The following AGMO variants were observed in gnomAD, a reference collection of about 807,000 sequenced individuals.
The protein encoded by AGMO is alkylglycerol monooxygenase.
Under a neutral mutation model 60.2 loss-of-function variants are expected in AGMO, and 75 were observed. That is an observed-to-expected ratio of 1.25 (90% CI 1.03 to 1.51). AGMO has a LOEUF of 1.51. Among genes scored for constraint, AGMO ranks in the 40% most tolerant of loss-of-function variants. AGMO has a pLI of 0.00. For synonymous variants in AGMO, 261 were observed against 177.1 expected (o/e 1.47, Z -3.76); for missense variants, 763 against 525.5 (o/e 1.45, Z -4.42).
At chr7:15,470,936 T>G (rs1396151161) in intron 3 of AGMO, among the ~76,000 whole-genome samples, 3 of 151,938 alleles carry the variant, frequency 2.0e-5, no homozygotes, top group Non-Finnish European at 2.9e-5. Flanking sequence ...ATTTTAGCCC[T>G]AAGTTGTATA....
At chr7:15,527,103 T>C (rs111490436) in intron 3 of AGMO, among the ~76,000 whole-genome samples, 29 of 152,154 alleles carry the variant, frequency 1.9e-4, no homozygotes, top group African/African-American at 7.0e-4. Flanking sequence ...CCTCTAAGTG[T>C]TCAAGTAACA....
intron 10 of AGMO, among the ~76,000 whole-genome samples, chr7:15,375,801 C>G (rs1039049030): frequency 6.6e-6 from 1 of 152,074 alleles, no homozygotes; most frequent in African/African-American, 2.4e-5. Context: ...TTTACATACA[C>G]TTAACAAATC....
intron 3 of AGMO, among the ~76,000 whole-genome samples, chr7:15,490,299 G>A (rs529109807): frequency 6.6e-6 from 1 of 152,272 alleles, no homozygotes; most frequent in African/African-American, 2.4e-5. Context: ...TGGTATAAAT[G>A]TGTGAGGTTT....
the AGMO span, among the ~76,000 whole-genome samples, chr7:15,122,338 C>A: frequency 6.6e-6 from 1 of 152,106 alleles, no homozygotes; most frequent in African/African-American, 2.4e-5. Flanking sequence ...TATGCTCATT[C>A]ATTGTTCCTG....
In AGMO at chr7:15,317,954, C is replaced by A. The variant is rs866636305; in HGVS notation, c.1263+47560G>T. Among the ~76,000 whole-genome samples the A allele has an allele frequency of 2.5e-3, 352 of 140,698 alleles. 1 individual carries two copies. The highest frequency in any genetic ancestry group is 8.8e-3 in the African/African-American group (326 of 36,980). 92.3% of individuals were successfully genotyped at this position (140,698 alleles called of 152,430 possible). On this transcript the variant is annotated intron_variant, in intron 12 of 12. Transcript: ENST00000342526. ...ATATATATATATACACACACACACA[C>A]TATATATATATATACACACACACGT...
At chr7:15,153,623 G>T in the AGMO span, among the ~76,000 whole-genome samples, 2 of 151,962 alleles carry the variant, frequency 1.3e-5, no homozygotes, top group Non-Finnish European at 2.9e-5. Context: ...TTATGTTTTT[G>T]TTTGCTTTGC....
At chr7:15,484,181 A>G (rs1427964115) in intron 3 of AGMO, among the ~76,000 whole-genome samples, 1 of 152,172 alleles carries the variant, frequency 6.6e-6, no homozygotes, top group Non-Finnish European at 1.5e-5. Context: ...AAGATGGCTT[A>G]AAAGAAAATA....
At chr7:15,218,661 A>T (rs757950602) in intron 12 of AGMO, among the ~76,000 whole-genome samples, 14 of 152,030 alleles carry the variant, frequency 9.2e-5, no homozygotes, top group Non-Finnish European at 1.9e-4. Flanking sequence ...ATACTTATTA[A>T]TTTAAAAAAA....
At chr7:15,397,471 G>A (rs1784439470) in intron 5 of AGMO, among the ~76,000 whole-genome samples, 1 of 152,264 alleles carries the variant, frequency 6.6e-6, no homozygotes, top group African/African-American at 2.4e-5. Flanking sequence ...GCGGCGGGCT[G>A]AAGGGCTCCT....
At chr7:15,525,569 T>A (rs74449350) in intron 3 of AGMO, among the ~76,000 whole-genome samples, 2 of 152,046 alleles carry the variant, frequency 1.3e-5, no homozygotes, top group South Asian at 4.2e-4. Context: ...TCAAAAAAAT[T>A]CTTCTCCGCC....
chr7:15,347,132 G>T (rs1453466132), intron 12 of AGMO, among the ~76,000 whole-genome samples: 1 of 151,830 alleles, frequency 6.6e-6, no homozygotes, highest in Admixed American at 6.6e-5. Flanking sequence ...CCATTTTCCT[G>T]TATTGCAATT....
chr7:15,560,008 A>G (rs1035646775), intron 2 of AGMO, 133 bp downstream of exon 2: 1 of 823,404 alleles, frequency 1.2e-6, no homozygotes, highest in African/African-American at 1.7e-5. Flanking sequence ...AAAATTTTAA[A>G]TAATGACATG....
At chr7:15,212,387 A>C (rs1246329274) in intron 12 of AGMO, among the ~76,000 whole-genome samples, 3 of 150,874 alleles carry the variant, frequency 2.0e-5, no homozygotes, top group Non-Finnish European at 4.4e-5. Flanking sequence ...TATTTATCTC[A>C]CTCTTTTTTT....
the AGMO span, among the ~76,000 whole-genome samples, chr7:15,171,291 G>A: frequency 3.3e-5 from 5 of 152,246 alleles, no homozygotes; most frequent in East Asian, 5.8e-4. Context: ...TTGGGTTACG[G>A]TTTATGGCAG....
intron 12 of AGMO, among the ~76,000 whole-genome samples, chr7:15,308,058 C>T (rs750385329): frequency 4.6e-5 from 7 of 152,068 alleles, no homozygotes; most frequent in Non-Finnish European, 1.0e-4. Context: ...GTCCTCACTA[C>T]ACCCCTTCAG....
At chr7:15,248,214 A>ATATATGTATATATATATATATATATATG (rs1554401266) in intron 12 of AGMO, among the ~76,000 whole-genome samples, 4 of 71,162 alleles carry the variant, frequency 5.6e-5, no homozygotes, top group Non-Finnish European at 1.2e-4. Flanking sequence ...ATATATATAT[A>ATATATGTATATATATATATATATATATG]TATATATATA....
At chr7:15,346,437 T>G (rs1782034041) in intron 12 of AGMO, among the ~76,000 whole-genome samples, 1 of 152,070 alleles carries the variant, frequency 6.6e-6, no homozygotes, top group Non-Finnish European at 1.5e-5. Context: ...TTCACGTGTT[T>G]TGTGCTTAGG....
chr7:15,247,298 A>G (rs963395828), intron 12 of AGMO, among the ~76,000 whole-genome samples: 2 of 152,158 alleles, frequency 1.3e-5, no homozygotes, highest in Non-Finnish European at 2.9e-5. Context: ...TTGAAAGTGG[A>G]TAATATTTTT....
At chr7:15,494,930 T>C (rs1180677106) in intron 3 of AGMO, among the ~76,000 whole-genome samples, 1 of 152,204 alleles carries the variant, frequency 6.6e-6, no homozygotes, top group Non-Finnish European at 1.5e-5. Context: ...AGAGTGTATT[T>C]CCTAAGAAGA....
Sources: allele counts gnomAD v4.1 joint callset (sites outside exome capture counted in the v4.1 genomes callset), GRCh38; gene constraint gnomAD v4.1.1; transcripts MANE v1.5; gene names NCBI Gene and HGNC (gene_info 2026-07-23, HGNC 2026-07-21).